The following DENND5B variants were observed in gnomAD, a reference collection of about 807,000 sequenced individuals.
The protein encoded by DENND5B is DENN domain-containing protein 5B.
In DENND5B, 34 loss-of-function variants were observed where a neutral mutation model predicts 140.6. The ratio of observed to expected loss-of-function variants is 0.24; its 90% CI spans 0.18 to 0.32. The LOEUF (loss-of-function observed/expected upper bound fraction) is 0.32, where lower values mean the gene tolerates loss of function less well. Among genes scored for constraint, DENND5B ranks in the 10% least tolerant of loss-of-function variants. The pLI is 1.00. For missense variants in DENND5B, 1,142 were observed against 1,560.2 expected (o/e 0.73, Z 4.52); for synonymous variants, 551 against 562.1 (o/e 0.98, Z 0.28).
intron 2 of DENND5B, among the ~76,000 whole-genome samples, chr12:31,489,970 C>T (rs1262395474): frequency 6.6e-6 from 1 of 152,174 alleles, no homozygotes; most frequent in African/African-American, 2.4e-5. Flanking sequence ...CAGGTTACTG[C>T]AGGAGTCCAG....
Position 31,398,159 on chromosome 12 carries a change from A to T in DENND5B, c.3256+16T>A. ...TACATCATAGGAGCACATAAGAAAAATTTAAATAAATTTACTGTTGTTTTT... is the reference window on the plus strand; with the variant it reads ...TACATCATAGGAGCACATAAGAAAATTTTAAATAAATTTACTGTTGTTTTT... On this transcript the variant is annotated intron_variant, in intron 17 of 20. Transcript: ENST00000389082. 6.4e-7 allele frequency: 1 copy of T among 1,561,252 alleles called. No individual in the cohort carries two copies. Among genetic ancestry groups the T allele is most frequent in the Non-Finnish European group, 8.7e-7 (1 of 1,153,590 alleles).
chr12:31,525,875 C>T (rs1206697056), intron 1 of DENND5B, among the ~76,000 whole-genome samples: 1 of 152,066 alleles, frequency 6.6e-6, no homozygotes, highest in Non-Finnish European at 1.5e-5. Flanking sequence ...TGCCTGTGGT[C>T]CCAGCTACTC....
At chr12:31,519,138 C>T (rs910515303) in intron 1 of DENND5B, among the ~76,000 whole-genome samples, 4 of 152,178 alleles carry the variant, frequency 2.6e-5, no homozygotes, top group Non-Finnish European at 4.4e-5. Context: ...GGAAGACAAA[C>T]GATGCACCAA....
chr12:31,463,375 C>T (rs997379946), intron 3 of DENND5B, among the ~76,000 whole-genome samples: 3 of 152,208 alleles, frequency 2.0e-5, no homozygotes, highest in African/African-American at 7.2e-5. Flanking sequence ...CCAGAGAAAT[C>T]TCCTTAGATT....
Position 31,387,642 on chromosome 12 carries a change from T to C in DENND5B, c.3786A>G (p.Ile1262Met), listed in dbSNP as rs1384987756. 3 of 1,614,012 alleles carry C rather than the reference T, an allele frequency of 1.9e-6. No homozygotes were observed. In the Admixed American group the frequency reaches 5.0e-5, roughly 27 times the overall value. ...CTTTGATGAGTGATCCTTCTAGGACTATGGTGAAGTCCTGAATGGTCTGCA... is the reference window on the plus strand; with the variant it reads ...CTTTGATGAGTGATCCTTCTAGGACCATGGTGAAGTCCTGAATGGTCTGCA... ...RILQTIQDFTIVLEGSLIKGV... is the reference protein window; with the variant it reads ...RILQTIQDFTMVLEGSLIKGV... The change falls in exon 21 of 21, where the codon ATA becomes ATG. Residue 1262 changes from isoleucine to methionine, a missense_variant. By Grantham distance (10) the Ile-to-Met change is conservative (BLOSUM62 1). Around this residue, in one of 5 missense-constraint regions of DENND5B, gnomAD observed 125 missense variants for 179.0 expected, o/e 0.70. Coordinates refer to ENST00000389082, the MANE Select transcript of DENND5B (RefSeq NM_144973.4).
chr12:31,456,885 C>A (rs186703625), intron 4 of DENND5B, among the ~76,000 whole-genome samples: 3 of 152,216 alleles, frequency 2.0e-5, no homozygotes, highest in African/African-American at 4.8e-5. Context: ...TCAAGACCAG[C>A]CTGGGCAATG....
At chr12:31,580,387 A>G (rs1357103829) in intron 1 of DENND5B, among the ~76,000 whole-genome samples, 1 of 152,186 alleles carries the variant, frequency 6.6e-6, no homozygotes, top group Non-Finnish European at 1.5e-5. Context: ...AAGCTGTTAG[A>G]TACCTTTTTT....
At chr12:31,531,231 G>A (rs111936538) in intron 1 of DENND5B, among the ~76,000 whole-genome samples, 20 of 150,160 alleles carry the variant, frequency 1.3e-4, no homozygotes, top group Non-Finnish European at 2.2e-4. Context: ...ACGGAGTCTC[G>A]CTCTGTCACC....
intron 3 of DENND5B, among the ~76,000 whole-genome samples, chr12:31,471,866 C>A (rs1259236): frequency 0.63 from 96,387 of 151,902 alleles, 31,865 homozygotes; most frequent in East Asian, 0.83. Flanking sequence ...CCTTGAGGGA[C>A]CAGCCAGTCT....
At chr12:31,439,638 G>GAA (rs34791156) in intron 7 of DENND5B, among the ~76,000 whole-genome samples, 3 of 151,382 alleles carry the variant, frequency 2.0e-5, no homozygotes, top group East Asian at 1.9e-4. Flanking sequence ...CCATCAAAAG[G>GAA]AAAAAAAAGC....
chr12:31,466,982 T>C (rs1431649633), intron 3 of DENND5B, among the ~76,000 whole-genome samples: 4 of 152,034 alleles, frequency 2.6e-5, no homozygotes, highest in African/African-American at 9.7e-5. Flanking sequence ...AGTCATTCAT[T>C]AGAATGACAT....
intron 1 of DENND5B, among the ~76,000 whole-genome samples, chr12:31,496,690 C>G (rs990328344): frequency 6.6e-6 from 1 of 151,860 alleles, no homozygotes; most frequent in African/African-American, 2.4e-5. Flanking sequence ...ATGGTGAGAC[C>G]CCGTTTCTTT....
At chr12:31,560,937 A>G (rs1441356978) in intron 1 of DENND5B, among the ~76,000 whole-genome samples, 1 of 148,546 alleles carries the variant, frequency 6.7e-6, no homozygotes, top group Non-Finnish European at 1.5e-5. Context: ...TTACTACCAA[A>G]AAGAGAGAGT....
At chr12:31,590,649 C>T in intron 1 of DENND5B, 57 bp downstream of exon 1, 3 of 1,403,442 alleles carry the variant, frequency 2.1e-6, no homozygotes, top group Non-Finnish European at 2.8e-6. Flanking sequence ...CCGCGCGTCC[C>T]CACAGCGTCC....
chr12:31,535,053 G>T (rs1415510845), intron 1 of DENND5B: 2 of 196,942 alleles, frequency 1.0e-5, no homozygotes, highest in Admixed American at 1.4e-4. Context: ...AAGCCTGGGT[G>T]ACAGAGCAAG....
intron 1 of DENND5B, among the ~76,000 whole-genome samples, chr12:31,513,606 A>AT (rs1256259884): frequency 1.3e-5 from 2 of 151,950 alleles, no homozygotes; most frequent in Admixed American, 6.6e-5. Flanking sequence ...CAACTCTTTT[A>AT]TTTGGCTCCT....
chr12:31,443,044 T>G (rs1056229759), intron 6 of DENND5B, 119 bp from the exon 7 acceptor site: 28 of 506,180 alleles, frequency 5.5e-5, no homozygotes, highest in Admixed American at 4.2e-4. Context: ...GAAACAGATA[T>G]TGTGTGTGTG....
At chr12:31,412,926 C>T (rs768357817) in intron 13 of DENND5B, among the ~76,000 whole-genome samples, 17 of 151,830 alleles carry the variant, frequency 1.1e-4, no homozygotes, top group South Asian at 1.0e-3. Flanking sequence ...CAGAGCAATC[C>T]GGCCTTTTTT....
At chr12:31,544,661 A>T (rs1472519497) in intron 1 of DENND5B, among the ~76,000 whole-genome samples, 1 of 103,614 alleles carries the variant, frequency 9.7e-6, no homozygotes, top group East Asian at 6.0e-4. Context: ...TATTAATTCA[A>T]CTACAAAAAA....
Sources: gnomAD v4.1 joint callset for allele counts (sites outside exome capture counted in the v4.1 genomes callset) on GRCh38, gnomAD v4.1.1 for gene constraint, gnomAD v4.1.1 regional missense constraint, MANE v1.5 for transcripts, NCBI Gene and HGNC (gene_info 2026-07-23, HGNC 2026-07-21) for gene names.